Variants in FRMPD1 observed in about 807,000 individuals in gnomAD.
FRMPD1 encodes the protein FERM and PDZ domain containing 1, also known as FERM and PDZ domain-containing protein 1.
Under a neutral mutation model 117.8 loss-of-function variants are expected in FRMPD1, and 76 were observed. The ratio of observed to expected loss-of-function variants is 0.65; its 90% CI spans 0.54 to 0.78. FRMPD1 has a LOEUF of 0.78. Ranked by LOEUF, FRMPD1 falls within the 30% of genes least tolerant of loss-of-function variation. The probability of loss-of-function intolerance (pLI) is 0.00; values close to 1 mark genes in which losing one functional copy is unlikely to be tolerated. For synonymous variants in FRMPD1, 783 were observed against 770.4 expected (o/e 1.02, Z -0.27); for missense variants, 1,786 against 1,964.5 (o/e 0.91, Z 1.72).
the FRMPD1 span, among the ~76,000 whole-genome samples, chr9:37,612,344 CTTTTGTTTTTGT>C: frequency 0.16 from 24,537 of 151,600 alleles, 2,351 homozygotes; most frequent in African/African-American, 0.27. Flanking sequence ...TTTGTTTTTG[CTTTTGTTTTTGT>C]TTTTGTTTTT....
rs1329681505 is a variant in FRMPD1, at chr9:37,740,278, A to G, written c.1750A>G (p.Ser584Gly). The G allele has an allele frequency of 3.7e-6, 6 of 1,613,780 alleles. No homozygotes were observed. The highest frequency in any genetic ancestry group is 5.1e-6 in the Non-Finnish European group (6 of 1,180,008). Residue 584 changes from serine (S) to glycine (G), a missense_variant, in exon 15 of 16, where the codon AGT becomes GGT. Coordinates refer to ENST00000377765, the MANE Select transcript of FRMPD1 (RefSeq NM_014907.3). This position sits in a 1 kb window ranked among gnomAD's most constrained non-coding sequence, Gnocchi z 4.2. ...CTGCGGGGCCAGCAGCACGACAGAC[A>G]GTGCCGAGTCCGAGGCGTCCGACTC... Reference protein sequence around the residue: ...STCGASSTTDSAESEASDSAN... With the variant: ...STCGASSTTDGAESEASDSAN...
chr9:37,674,349 C>T (rs2117863403), intron 1 of FRMPD1, among the ~76,000 whole-genome samples: 1 of 152,324 alleles, frequency 6.6e-6, no homozygotes, highest in African/African-American at 2.4e-5. Flanking sequence ...CTGAGACCAC[C>T]TCAGCCTGGA....
At chr9:37,656,597 A>C (rs898772234) in intron 1 of FRMPD1, among the ~76,000 whole-genome samples, 4 of 152,228 alleles carry the variant, frequency 2.6e-5, no homozygotes, top group African/African-American at 7.2e-5. Flanking sequence ...TGAGATATAC[A>C]CTAAACTTAA....
the FRMPD1 span, among the ~76,000 whole-genome samples, chr9:37,630,494 C>A: frequency 1.3e-5 from 2 of 152,136 alleles, no homozygotes; most frequent in African/African-American, 2.4e-5. Flanking sequence ...GATTCTCCTG[C>A]CTCAGCCTCC....
At chr9:37,711,126 G>A in intron 4 of FRMPD1, among the ~76,000 whole-genome samples, 1 of 152,080 alleles carries the variant, frequency 6.6e-6, no homozygotes. Context: ...CCTCCAGGTG[G>A]GAGGAGCTCT....
intron 12 of FRMPD1, 35 bp from the exon 13 acceptor site, chr9:37,735,517 C>A (rs184376895): frequency 2.0e-6 from 3 of 1,506,006 alleles, no homozygotes; most frequent in Non-Finnish European, 2.8e-6. Flanking sequence ...CACTCGCTTG[C>A]GAATGGAGAC....
the FRMPD1 span, among the ~76,000 whole-genome samples, chr9:37,625,115 T>G: frequency 6.6e-6 from 1 of 152,318 alleles, no homozygotes; most frequent in South Asian, 2.1e-4. Context: ...AGTCTGAACA[T>G]GGGATTTCTC....
At chr9:37,730,173 G>A (rs1227320685) in intron 8 of FRMPD1, among the ~76,000 whole-genome samples, 1 of 152,152 alleles carries the variant, frequency 6.6e-6, no homozygotes, top group African/African-American at 2.4e-5. Context: ...TAGCTCTGAT[G>A]ATCTTCCCTT....
chr9:37,610,483 A>G, the FRMPD1 span, among the ~76,000 whole-genome samples: 1 of 152,028 alleles, frequency 6.6e-6, no homozygotes, highest in Non-Finnish European at 1.5e-5. Context: ...AAAAAACAAC[A>G]ACAAAAAACA....
the FRMPD1 span, among the ~76,000 whole-genome samples, chr9:37,632,447 A>T: frequency 1.3e-5 from 2 of 152,234 alleles, no homozygotes; most frequent in African/African-American, 4.8e-5. Context: ...GGCTTCAAAC[A>T]TGGCTGGATT....
chr9:37,724,855 G>A (rs1823554533), intron 7 of FRMPD1, among the ~76,000 whole-genome samples: 3 of 152,168 alleles, frequency 2.0e-5, no homozygotes, highest in African/African-American at 7.2e-5. Flanking sequence ...TGGACGTTCA[G>A]GGAATGCTTG....
Position 37,732,352 on chromosome 9 carries a change from A to T in FRMPD1, c.907A>T (p.Ser303Cys). 1.2e-6 allele frequency: 2 copies of T among 1,613,902 alleles called. No homozygotes were observed. The highest frequency in any genetic ancestry group is 1.7e-6 in the Non-Finnish European group (2 of 1,179,950). Residue 303 changes from serine to cysteine, a missense_variant, in exon 10 of 16, where the codon AGC becomes TGC. Coordinates refer to ENST00000377765, the MANE Select transcript of FRMPD1 (RefSeq NM_014907.3). ...QERFAVEMKC[S>C]SALRLAALHI... ...GCGCTTTGCTGTAGAAATGAAATGT[A>T]GCTCTGCACTCCGACTCGCGGCTCT...
chr9:37,654,311 A>G (rs937813541), intron 1 of FRMPD1, among the ~76,000 whole-genome samples: 16 of 152,218 alleles, frequency 1.1e-4, no homozygotes, highest in South Asian at 2.1e-4. Context: ...GGGCAGGCCT[A>G]TCTGAGCCAG....
chr9:37,704,714 G>A (rs1822642861), intron 2 of FRMPD1, among the ~76,000 whole-genome samples: 1 of 151,464 alleles, frequency 6.6e-6, no homozygotes, highest in Non-Finnish European at 1.5e-5. Flanking sequence ...ATTCATAAAT[G>A]TTATTAATTA....
At chr9:37,704,303 C>A (rs1822626156) in intron 2 of FRMPD1, among the ~76,000 whole-genome samples, 1 of 152,098 alleles carries the variant, frequency 6.6e-6, no homozygotes, top group African/African-American at 2.4e-5. Context: ...AATGCAAAAT[C>A]TCTCATCAAT....
the FRMPD1 span, among the ~76,000 whole-genome samples, chr9:37,639,287 G>A: frequency 6.6e-6 from 1 of 151,778 alleles, no homozygotes; most frequent in Non-Finnish European, 1.5e-5. Flanking sequence ...GCTTTGCAAG[G>A]GTATGATGTC....
chr9:37,722,319 AG>A (rs1052329376), intron 6 of FRMPD1, among the ~76,000 whole-genome samples: 13 of 151,262 alleles, frequency 8.6e-5, no homozygotes, highest in African/African-American at 2.9e-4. Context: ...AAAAAAAAAA[AG>A]AGAGAGATGA....
intron 1 of FRMPD1, chr9:37,670,194 A>T (rs1821304630): frequency 6.6e-6 from 1 of 152,156 alleles, no homozygotes. Flanking sequence ...TATTTTATTC[A>T]TTCATTCTGC....
intron 5 of FRMPD1, among the ~76,000 whole-genome samples, chr9:37,713,922 A>G (rs1467046122): frequency 6.6e-6 from 1 of 152,234 alleles, no homozygotes; most frequent in Non-Finnish European, 1.5e-5. Context: ...TGATTACATG[A>G]AAATATAAAC....
Sources: gnomAD v4.1 joint callset for allele counts (sites outside exome capture counted in the v4.1 genomes callset) on GRCh38, gnomAD v4.1.1 for gene constraint, Gnocchi (gnomAD v3.1) non-coding constraint, MANE v1.5 for transcripts, NCBI Gene and HGNC (gene_info 2026-07-23, HGNC 2026-07-21) for gene names.